The following CFAP52 variants were observed in gnomAD, a reference collection of about 807,000 sequenced individuals.
CFAP52 encodes cilia- and flagella-associated protein 52.
CFAP52 carries 57 observed loss-of-function variants against 70.5 expected under a neutral mutation model. The observed-to-expected ratio is 0.81, with a 90% confidence interval of 0.65 to 1.01. The LOEUF is 1.01. Ranked by LOEUF, CFAP52 falls within the 50% of genes least tolerant of loss-of-function variation. The pLI, the probability that CFAP52 is intolerant of heterozygous loss-of-function variation, is 0.00. For synonymous variants in CFAP52, 267 were observed against 292.5 expected (o/e 0.91, Z 0.89); for missense variants, 785 against 788.5 (o/e 1.00, Z 0.05).
At chr17:9,593,087 T>A (rs1018546964) in intron 3 of CFAP52, among the ~76,000 whole-genome samples, 1 of 152,198 alleles carries the variant, frequency 6.6e-6, no homozygotes, top group African/African-American at 2.4e-5. Flanking sequence ...TGATAATACA[T>A]TCCATATGTA....
rs2151927964 is a variant in CFAP52, at chr17:9,585,952, G to A, written c.250G>A (p.Val84Ile). 1.2e-6 allele frequency: 2 copies of A among 1,613,656 alleles called. No individual in the cohort carries two copies. Among genetic ancestry groups the A allele is most frequent in the East Asian group, 4.5e-5 (2 of 44,828 alleles). The change falls in exon 2 of 14, where the codon GTC becomes ATC. Residue 84 changes from valine (V) to isoleucine (I), a missense_variant. Coordinates refer to ENST00000352665, the MANE Select transcript of CFAP52 (RefSeq NM_145054.5). ...TGGAGAGTACATCGCCTCCGGACAA[G>A]TCACATTCATGGGGTTCAAGGTGAA... is the stretch of plus-strand genomic sequence containing the variant. ...RSGEYIASGQ[V>I]TFMGFKADII...
chr17:9,643,110 G>C lies in CFAP52; in HGVS notation c.1775G>C (p.Arg592Pro), dbSNP rs566597331. The C allele has an allele frequency of 6.2e-7, 1 of 1,613,570 alleles. No individual in the cohort carries two copies. The highest frequency in any genetic ancestry group is 1.1e-5 in the South Asian group (1 of 90,896). Residue 592 changes from arginine to proline, a missense_variant, in exon 14 of 14, where the codon CGC becomes CCC. Coordinates refer to ENST00000352665, the MANE Select transcript of CFAP52 (RefSeq NM_145054.5). ...VGVGHSGNIT[R>P]IRISPGNQYI... ...GTGGGACACAGTGGCAACATCACAC[G>C]CATCCGCATAAGTCCAGGAAATCAA...
rs555923244 is a variant in CFAP52, at chr17:9,633,675, C to CTTTT, written c.1320+655_1320+658dup. The stretch of plus-strand genomic sequence containing the variant: ...GTGGTTGTACGAATTGTCATCTTAT[C>CTTTT]TTTTTTTTTTTTTTTTAGACGGACA... On this transcript the variant is annotated intron_variant, in intron 10 of 13. Transcript: ENST00000352665. 7.9e-4 allele frequency among the ~76,000 whole-genome samples: 109 copies of CTTTT among 138,544 alleles called. 1 individual carries two copies. Among genetic ancestry groups the CTTTT allele is most frequent in the African/African-American group, 2.6e-3 (98 of 38,160 alleles). The allele number at this position is 138,544 out of a possible 152,430, so 90.9% of individuals were successfully genotyped here.
At chr17:9,591,423 CTTT>C (rs1458501420) in intron 3 of CFAP52, among the ~76,000 whole-genome samples, 1 of 152,054 alleles carries the variant, frequency 6.6e-6, no homozygotes, top group Non-Finnish European at 1.5e-5. Flanking sequence ...ATGCAACCTG[CTTT>C]TTGACTAACT....
At chr17:9,600,377 G>T (rs1253007665) in intron 6 of CFAP52, among the ~76,000 whole-genome samples, 194 bp downstream of exon 6, 1 of 151,968 alleles carries the variant, frequency 6.6e-6, no homozygotes. Flanking sequence ...AAGTAGCTGG[G>T]ACTACAGGTG....
chr17:9,596,606 T>G (rs1464493762), intron 4 of CFAP52, among the ~76,000 whole-genome samples: 1 of 152,156 alleles, frequency 6.6e-6, no homozygotes, highest in Non-Finnish European at 1.5e-5. Flanking sequence ...TCTCTTTCCT[T>G]GAAGACAAGA....
rs1046342816 is a variant in CFAP52, at chr17:9,643,379, G to A, written c.*181G>A. 2.1e-4 allele frequency: 100 copies of A among 478,180 alleles called. No individual in the cohort carries two copies. The highest frequency in any genetic ancestry group is 2.9e-4 in the Non-Finnish European group (84 of 289,202). 29.6% of individuals were successfully genotyped at this position (478,180 alleles called of 1,614,324 possible). ...AAATTGCATATTAAAATTGAAGTAT[G>A]TTCAAGAATAATTTGTGCAGACTCT... is the stretch of plus-strand genomic sequence containing the variant. On this transcript the variant is annotated 3_prime_UTR_variant, in exon 14 of 14. Transcript: ENST00000352665.
chr17:9,589,727 C>T (rs9904304), intron 3 of CFAP52, among the ~76,000 whole-genome samples: 1,551 of 76,212 alleles, frequency 0.02, 30 homozygotes, highest in African/African-American at 0.068. Context: ...AGCGAGACTC[C>T]GTCTCAAAAA....
chr17:9,596,057 GTGTATATATATATA>G lies in CFAP52; in HGVS notation c.536+1738_536+1751del, dbSNP rs1159591555. On this transcript the variant is annotated intron_variant, in intron 4 of 13. Coordinates refer to ENST00000352665, the MANE Select transcript of CFAP52 (RefSeq NM_145054.5). ...TATATGTATGTAGATATATATGTGT[GTGTATATATATATA>G]TATATATATATATATATATATATAT... 3.1e-3 allele frequency among the ~76,000 whole-genome samples: 324 copies of G among 103,584 alleles called. 3 individuals are homozygous for G. The highest frequency in any genetic ancestry group is 0.012 in the African/African-American group (291 of 24,422). The allele number at this position is 103,584 out of a possible 152,430, so 68.0% of individuals were successfully genotyped here.
intron 12 of CFAP52, among the ~76,000 whole-genome samples, chr17:9,640,342 C>T (rs1910996113): frequency 1.3e-5 from 2 of 151,516 alleles, no homozygotes; most frequent in South Asian, 2.1e-4. Context: ...CCCATCACCT[C>T]GGTATTAAGC....
chr17:9,640,224 C>CTT (rs113556452), intron 12 of CFAP52, among the ~76,000 whole-genome samples: 8 of 125,602 alleles, frequency 6.4e-5, no homozygotes, highest in African/African-American at 8.7e-5. Flanking sequence ...GTCAAGCACT[C>CTT]TTTTTTTTTT....
intron 4 of CFAP52, among the ~76,000 whole-genome samples, chr17:9,597,821 GAGAGAGAGAA>G (rs1210989349): frequency 1.3e-5 from 2 of 151,096 alleles, no homozygotes; most frequent in East Asian, 2.0e-4. Flanking sequence ...GAGAGAGAGA[GAGAGAGAGAA>G]AGAGAGAAAG....
chr17:9,630,426 A>ATTTTTTTTTTTTTTT (rs560084144), intron 9 of CFAP52, among the ~76,000 whole-genome samples: 8 of 127,832 alleles, frequency 6.3e-5, no homozygotes, highest in African/African-American at 2.0e-4. Context: ...AATTTTTGTA[A>ATTTTTTTTTTTTTTT]TTTTTTTTTT....
chr17:9,596,737 T>C (rs1597773691), intron 4 of CFAP52, among the ~76,000 whole-genome samples: 2 of 151,582 alleles, frequency 1.3e-5, no homozygotes, highest in East Asian at 3.9e-4. Flanking sequence ...TTTTTTGAGA[T>C]GGAGTTTTGC....
Position 9,643,128 on chromosome 17 carries a change from G to C in CFAP52, c.1793G>C (p.Gly598Ala), listed in dbSNP as rs747062472. 6.2e-7 allele frequency: 1 copy of C among 1,613,864 alleles called. No individual in the cohort carries two copies. The highest frequency in any genetic ancestry group is 1.1e-5 in the South Asian group (1 of 90,974). The change falls in exon 14 of 14, where the codon GGA (glycine) becomes GCA (alanine). Residue 598 changes from glycine to alanine, a missense_variant. Physicochemically the swap from Gly to Ala is moderately conservative, Grantham distance 60 (BLOSUM62 0). Transcript: ENST00000352665. ...GNITRIRISP[G>A]NQYIVSVSAD... ...ATCACACGCATCCGCATAAGTCCAG[G>C]AAATCAATATATTGTTAGTGTAAGT...
chr17:9,630,050 C>G (rs1727606183), intron 9 of CFAP52, among the ~76,000 whole-genome samples: 1 of 151,878 alleles, frequency 6.6e-6, no homozygotes, highest in African/African-American at 2.4e-5. Flanking sequence ...TCACTGCCTC[C>G]CCTTTTTCTC....
chr17:9,596,051 ATG>A (rs10699113), intron 4 of CFAP52, among the ~76,000 whole-genome samples: 6,194 of 77,102 alleles, frequency 0.08, 336 homozygotes, highest in East Asian at 0.12. Context: ...GTAGATATAT[ATG>A]TGTGTGTATA....
chr17:9,624,849 G>T (rs932313058), intron 8 of CFAP52, among the ~76,000 whole-genome samples: 3 of 152,100 alleles, frequency 2.0e-5, no homozygotes, highest in African/African-American at 7.2e-5. Context: ...CCCATAGTAT[G>T]CATCATCTGT....
chr17:9,610,623 C>G (rs183581080), intron 7 of CFAP52, among the ~76,000 whole-genome samples: 36 of 152,228 alleles, frequency 2.4e-4, no homozygotes, highest in African/African-American at 8.2e-4. Flanking sequence ...CAACCTCCGC[C>G]TCCCGGGTTC....
Sources: allele counts gnomAD v4.1 joint callset (sites outside exome capture counted in the v4.1 genomes callset), GRCh38; gene constraint gnomAD v4.1.1; transcripts MANE v1.5; gene names NCBI Gene and HGNC (gene_info 2026-07-23, HGNC 2026-07-21).